The following HS3ST4 variants were observed in gnomAD, a reference collection of about 807,000 sequenced individuals.
HS3ST4 encodes the protein heparan sulfate-glucosamine 3-sulfotransferase 4.
HS3ST4 carries 17 observed loss-of-function variants against 29.2 expected under a neutral mutation model. That is an observed-to-expected ratio of 0.58 (90% confidence interval 0.40 to 0.87). The LOEUF (loss-of-function observed/expected upper bound fraction) is 0.87. Ranked by LOEUF, HS3ST4 falls within the 40% of genes least tolerant of loss-of-function variation. The pLI is 0.00. For synonymous variants in HS3ST4, 314 were observed against 285.7 expected, an observed-to-expected ratio of 1.10 and a Z score of -1.00; for missense variants, 627 against 634.5, an observed-to-expected ratio of 0.99 and a Z score of 0.13.
chr16:25,954,359 C>T (rs1361768900), intron 1 of HS3ST4, among the ~76,000 whole-genome samples: 2 of 152,178 alleles, frequency 1.3e-5, no homozygotes, highest in African/African-American at 2.4e-5. Context: ...TCCTCCCTTT[C>T]TACCCCTGCC....
At chr16:25,726,154 A>G (rs4614729) in intron 1 of HS3ST4, among the ~76,000 whole-genome samples, 111,287 of 152,124 alleles carry the variant, frequency 0.73, 41,668 homozygotes, top group East Asian at 0.85. Context: ...CTGCTTTGTT[A>G]CTGCATGAAT....
chr16:25,857,214 T>A (rs1156974734), intron 1 of HS3ST4, among the ~76,000 whole-genome samples: 1 of 152,202 alleles, frequency 6.6e-6, no homozygotes, highest in Admixed American at 6.5e-5. Context: ...TATCAGTGTA[T>A]GCCTCCAGGA....
chr16:26,098,814 TGTATG>T (rs1163362917), intron 1 of HS3ST4, among the ~76,000 whole-genome samples: 3 of 151,700 alleles, frequency 2.0e-5, no homozygotes, highest in Admixed American at 6.6e-5. Flanking sequence ...GGGGGGTAGA[TGTATG>T]GTATGATTGA....
At chr16:25,790,108 T>C (rs1362987103) in intron 1 of HS3ST4, among the ~76,000 whole-genome samples, 9 of 152,172 alleles carry the variant, frequency 5.9e-5, no homozygotes, top group Non-Finnish European at 5.9e-5. Context: ...TCATAATGTG[T>C]ACTTACCTTC....
At chr16:25,951,801 C>T (rs1037689135) in intron 1 of HS3ST4, among the ~76,000 whole-genome samples, 9 of 152,262 alleles carry the variant, frequency 5.9e-5, no homozygotes, top group Middle Eastern at 3.4e-3. Context: ...AGACCCTAGA[C>T]CAAGAGTTGG....
chr16:26,065,525 T>C (rs1280189221), intron 1 of HS3ST4, among the ~76,000 whole-genome samples: 2 of 152,124 alleles, frequency 1.3e-5, no homozygotes, highest in Non-Finnish European at 2.9e-5. Context: ...TAATGGGTAG[T>C]GGGCTTAATA....
At chr16:25,824,029 A>G (rs1967190530) in intron 1 of HS3ST4, among the ~76,000 whole-genome samples, 1 of 152,206 alleles carries the variant, frequency 6.6e-6, no homozygotes, top group Admixed American at 6.5e-5. Context: ...CTGAGGAAGC[A>G]CTGTGCCTGG....
intron 1 of HS3ST4, among the ~76,000 whole-genome samples, chr16:25,901,532 G>A (rs568685426): frequency 1.6e-4 from 25 of 152,272 alleles, no homozygotes; most frequent in Admixed American, 5.9e-4. Flanking sequence ...TTAGCCAGGC[G>A]TGGTGGCTGG....
intron 1 of HS3ST4, among the ~76,000 whole-genome samples, chr16:25,796,975 T>G (rs1009487341): frequency 6.6e-6 from 1 of 152,194 alleles, no homozygotes; most frequent in African/African-American, 2.4e-5. Context: ...CTGGGCCTCC[T>G]TCGGGTTTCA....
chr16:25,939,618 C>T (rs1481649436), intron 1 of HS3ST4, among the ~76,000 whole-genome samples: 3 of 152,066 alleles, frequency 2.0e-5, no homozygotes, highest in Non-Finnish European at 4.4e-5. Flanking sequence ...GGATTACAGG[C>T]GTGAGCCACC....
chr16:25,897,384 C>G (rs148446743), intron 1 of HS3ST4, among the ~76,000 whole-genome samples: 10 of 152,002 alleles, frequency 6.6e-5, no homozygotes, highest in Admixed American at 6.5e-4. Context: ...CTCAAGAGGT[C>G]GAGGCTGCAG....
At chr16:25,695,262 C>T (rs1966286457) in intron 1 of HS3ST4, among the ~76,000 whole-genome samples, 1 of 152,202 alleles carries the variant, frequency 6.6e-6, no homozygotes, top group South Asian at 2.1e-4. Context: ...TGTGGTATCT[C>T]TGTGTCCTTC....
At chr16:25,858,692 TCATG>T (rs1350285512) in intron 1 of HS3ST4, among the ~76,000 whole-genome samples, 1 of 152,204 alleles carries the variant, frequency 6.6e-6, no homozygotes, top group Non-Finnish European at 1.5e-5. Context: ...ATTTGTCTAC[TCATG>T]CTTTCTACCT....
At chr16:26,081,786 C>CTTTT (rs56169806) in intron 1 of HS3ST4, among the ~76,000 whole-genome samples, 9 of 85,002 alleles carry the variant, frequency 1.1e-4, no homozygotes, top group African/African-American at 2.3e-4. Flanking sequence ...GGAGTACATT[C>CTTTT]TTTTTTTTTT....
chr16:25,961,296 G>T (rs183819864), intron 1 of HS3ST4, among the ~76,000 whole-genome samples: 1 of 152,276 alleles, frequency 6.6e-6, no homozygotes, highest in African/African-American at 2.4e-5. Context: ...AGAGAAGTAG[G>T]AATGTTTCTC....
Position 26,105,303 on chromosome 16 carries a change from C to T in HS3ST4, c.735-30309C>T, listed in dbSNP as rs138832648. The stretch of plus-strand genomic sequence containing the variant: ...AAGTGGGAGCTAAGCATTGAGTAAA[C>T]GTAGTCATAAAAATAGGAATGATAG... On this transcript the variant is annotated intron_variant, in intron 1 of 1. Coordinates refer to ENST00000331351, the MANE Select transcript of HS3ST4 (RefSeq NM_006040.3). Among the ~76,000 whole-genome samples, 712 of 152,034 alleles carry T rather than the reference C, an allele frequency of 4.7e-3. 2 individuals carry two copies. The highest frequency in any genetic ancestry group is 7.9e-3 in the Non-Finnish European group (536 of 67,978).
Position 25,818,799 on chromosome 16 carries a change from C to A in HS3ST4, c.734+125648C>A, listed in dbSNP as rs115803396. Among the ~76,000 whole-genome samples, 225 of 152,168 alleles carry A rather than the reference C, an allele frequency of 1.5e-3. 2 individuals are homozygous for A. The highest frequency in any genetic ancestry group is 4.8e-3 in the African/African-American group (200 of 41,518). ...TGATTGTTCAGTTCAGTTTTAATTT[C>A]TTTCTATTTTTATTCCCACTTTTTT... On this transcript the variant is annotated intron_variant, in intron 1 of 1. Transcript: ENST00000331351.
At chr16:25,904,048 A>G (rs1968150020) in intron 1 of HS3ST4, among the ~76,000 whole-genome samples, 1 of 152,186 alleles carries the variant, frequency 6.6e-6, no homozygotes, top group Non-Finnish European at 1.5e-5. Flanking sequence ...TTAGTGATGA[A>G]ACGATGGATG....
At chr16:25,889,906 GCTCTCT>G (rs35191445) in intron 1 of HS3ST4, among the ~76,000 whole-genome samples, 19 of 150,690 alleles carry the variant, frequency 1.3e-4, no homozygotes, top group African/African-American at 4.4e-4. Flanking sequence ...CCCTATACAT[GCTCTCT>G]CTCTCTCTCT....
Sources: gnomAD v4.1 joint callset for allele counts (sites outside exome capture counted in the v4.1 genomes callset) on GRCh38, gnomAD v4.1.1 for gene constraint, MANE v1.5 for transcripts, NCBI Gene and HGNC (gene_info 2026-07-23, HGNC 2026-07-21) for gene names.